MUC7: variants seen among roughly 807,000 people sequenced by gnomAD.
MUC7 encodes mucin-7.
Under a neutral mutation model 2.5 loss-of-function variants are expected in MUC7, and 2 were observed. That is an observed-to-expected ratio of 0.81 (90% CI 0.33 to 2.55). The LOEUF (loss-of-function observed/expected upper bound fraction) is 2.55, where lower values mean the gene tolerates loss of function less well. Among genes scored for constraint, MUC7 ranks in the 30% most tolerant of loss-of-function variants. The pLI, the probability that MUC7 is intolerant of heterozygous loss-of-function variation, is 0.11. For synonymous variants in MUC7, 133 were observed against 173.4 expected (o/e 0.77, Z 1.83); for missense variants, 408 against 455.6 (o/e 0.90, Z 0.95).
intron 1 of MUC7, among the ~76,000 whole-genome samples, chr4:70,430,907 T>G (rs1733642490): frequency 6.6e-6 from 1 of 152,188 alleles, no homozygotes; most frequent in Non-Finnish European, 1.5e-5. Context: ...TTCATAGGAC[T>G]AATACTAGTG....
chr4:70,461,648 A>G (rs1425516414), intron 1 of MUC7, among the ~76,000 whole-genome samples: 1 of 152,188 alleles, frequency 6.6e-6, no homozygotes, highest in Non-Finnish European at 1.5e-5. Context: ...AGAGGCAGAC[A>G]TGGCAATTAC....
chr4:70,463,391 A>T (rs1326201312), intron 1 of MUC7, among the ~76,000 whole-genome samples: 2 of 152,242 alleles, frequency 1.3e-5, no homozygotes, highest in Non-Finnish European at 2.9e-5. Context: ...ATTCTTTTTA[A>T]ATCTACTTTT....
At chr4:70,475,172 A>G (rs1417619648) in intron 2 of MUC7, among the ~76,000 whole-genome samples, 7 of 151,996 alleles carry the variant, frequency 4.6e-5, no homozygotes, top group Non-Finnish European at 1.0e-4. Flanking sequence ...CCAGCTACTC[A>G]GGAGGCTGAG....
At chr4:70,474,149 TAAAGC>T in intron 2 of MUC7, 74 bp downstream of exon 2, 1 of 1,247,012 alleles carries the variant, frequency 8.0e-7, no homozygotes, top group Non-Finnish European at 1.2e-6. Context: ...CTGAGACTTT[TAAAGC>T]ATAATAGGCA....
rs775480239 is a variant in MUC7, at chr4:70,480,919, A to G, written c.175A>G (p.Ile59Val). The change falls in exon 3 of 3, where the codon ATT becomes GTT. Residue 59 changes from isoleucine to valine, a missense_variant. By Grantham distance (29) the Ile-to-Val change is conservative (BLOSUM62 3). Transcript: ENST00000304887. ...PGLLAHQKPF[I>V]RKSYKCLHKR... is the part of the protein sequence containing the mutation. ...ACTGCTAGCTCACCAGAAGCCGTTC[A>G]TTAGAAAGTCCTATAAATGTCTGCA... 2 of 1,614,176 alleles carry G rather than the reference A, an allele frequency of 1.2e-6. No individual in the cohort carries two copies. Among genetic ancestry groups the G allele is most frequent in the East Asian group, 2.2e-5 (1 of 44,864 alleles).
In MUC7 at chr4:70,481,680, T is replaced by A. The variant is rs781270165; in HGVS notation, c.936T>A (p.Asn312Lys). 14 of 1,614,022 alleles carry A rather than the reference T, an allele frequency of 8.7e-6. No homozygotes were observed. The highest frequency in any genetic ancestry group is 1.6e-4 in the Middle Eastern group (1 of 6,082). The change falls in exon 3 of 3, where the codon AAT becomes AAA. Residue 312 changes from asparagine (N) to lysine (K), a missense_variant. Physicochemically the swap from Asn to Lys is moderately conservative, Grantham distance 94. Around this residue, in one of 3 missense-constraint regions of MUC7, gnomAD observed 175 missense variants for 187.1 expected, o/e 0.94. Coordinates refer to ENST00000304887, the MANE Select transcript of MUC7 (RefSeq NM_152291.3). ...ETTAAPITTP[N>K]SSPTTLAPDT... ...CAGCTGCCCCAATTACCACACCTAA[T>A]TCTTCCCCAACTACTCTTGCACCTG...
chr4:70,437,124 G>A (rs996281016), intron 1 of MUC7, among the ~76,000 whole-genome samples: 13 of 152,126 alleles, frequency 8.5e-5, no homozygotes, highest in Admixed American at 3.3e-4. Context: ...AGCCCCTACC[G>A]GGAGATGTCT....
At chr4:70,471,556 C>G (rs1734835423), upstream of MUC7, among the ~76,000 whole-genome samples, 1 of 152,024 alleles carries the variant, frequency 6.6e-6, no homozygotes, top group Non-Finnish European at 1.5e-5. Context: ...TAAGATACTT[C>G]AGCAAAACAA....
chr4:70,458,154 A>G (rs577108435), intron 1 of MUC7, among the ~76,000 whole-genome samples: 2 of 152,272 alleles, frequency 1.3e-5, no homozygotes, highest in Admixed American at 1.3e-4. Flanking sequence ...TATTCTGGGA[A>G]TGCAAAGATG....
At chr4:70,433,540 G>A (rs188670603) in intron 1 of MUC7, among the ~76,000 whole-genome samples, 44 of 152,154 alleles carry the variant, frequency 2.9e-4, no homozygotes, top group African/African-American at 9.4e-4. Context: ...TGTTATTGGT[G>A]TATAGGAATG....
At chr4:70,474,559 T>C (rs1050639659) in intron 2 of MUC7, among the ~76,000 whole-genome samples, 1 of 138,638 alleles carries the variant, frequency 7.2e-6, no homozygotes, top group African/African-American at 2.5e-5. Context: ...GATAGGTAGA[T>C]AGACTAGGTA....
At chr4:70,471,481 A>C (rs1734833779), upstream of MUC7, among the ~76,000 whole-genome samples, 1 of 152,220 alleles carries the variant, frequency 6.6e-6, no homozygotes, top group African/African-American at 2.4e-5. Context: ...GTGTTATAAA[A>C]GAAAGGCTTT....
chr4:70,453,174 C>T (rs187325472), intron 1 of MUC7, among the ~76,000 whole-genome samples: 1 of 152,278 alleles, frequency 6.6e-6, no homozygotes, highest in African/African-American at 2.4e-5. Flanking sequence ...CTGACATCAG[C>T]AGGTAGCAAA....
chr4:70,468,740 C>T (rs962164029), upstream of MUC7, among the ~76,000 whole-genome samples: 2 of 152,146 alleles, frequency 1.3e-5, no homozygotes, highest in African/African-American at 4.8e-5. Flanking sequence ...CAAACCACTG[C>T]TCAATGAAAT....
chr4:70,480,671 C>A, intron 2 of MUC7, 128 bp from the exon 3 acceptor site: 1 of 947,038 alleles, frequency 1.1e-6, no homozygotes. Flanking sequence ...AATCACTTGA[C>A]TCAATAATGT....
At chr4:70,451,178 T>A (rs540790211) in intron 1 of MUC7, among the ~76,000 whole-genome samples, 1 of 152,346 alleles carries the variant, frequency 6.6e-6, no homozygotes, top group South Asian at 2.1e-4. Flanking sequence ...GCTCCCTTCA[T>A]GGGTAAGCAT....
intron 1 of MUC7, among the ~76,000 whole-genome samples, chr4:70,451,662 A>T (rs1734284567): frequency 6.6e-6 from 1 of 151,858 alleles, no homozygotes; most frequent in Non-Finnish European, 1.5e-5. Flanking sequence ...ATGTTTTAAG[A>T]CTTGTTTTGT....
chr4:70,470,979 G>A (rs913146498), upstream of MUC7, among the ~76,000 whole-genome samples: 8 of 152,110 alleles, frequency 5.3e-5, no homozygotes, highest in Admixed American at 4.6e-4. Flanking sequence ...GAAAAACTGA[G>A]GCTCAAAGAA....
At chr4:70,480,142 T>C (rs996366953) in intron 2 of MUC7, among the ~76,000 whole-genome samples, 1 of 152,220 alleles carries the variant, frequency 6.6e-6, no homozygotes, top group Non-Finnish European at 1.5e-5. Flanking sequence ...ATGCAAATTT[T>C]CTCTAAAAAT....
Sources: gnomAD v4.1 joint callset for allele counts (sites outside exome capture counted in the v4.1 genomes callset) on GRCh38, gnomAD v4.1.1 for gene constraint, gnomAD v4.1.1 regional missense constraint, MANE v1.5 for transcripts, NCBI Gene and HGNC (gene_info 2026-07-23, HGNC 2026-07-21) for gene names.